FRA10AC1: variants seen among roughly 807,000 people sequenced by gnomAD.
The protein encoded by FRA10AC1 is FRA10A associated CGG repeat 1, also known as protein FRA10AC1.
In FRA10AC1, 43 loss-of-function variants were observed where a neutral mutation model predicts 56.5. That is an observed-to-expected ratio of 0.76 (90% CI 0.60 to 0.98). The LOEUF is 0.98. Among genes scored for constraint, FRA10AC1 ranks in the 50% least tolerant of loss-of-function variants. The probability of loss-of-function intolerance (pLI) is 0.00; values close to 1 mark genes in which losing one functional copy is unlikely to be tolerated. For synonymous variants in FRA10AC1, 112 were observed against 110.5 expected (o/e 1.01, Z -0.09); for missense variants, 346 against 351.8 (o/e 0.98, Z 0.13).
At position 93,702,546 on chromosome 10, in the gene FRA10AC1, GCCC is replaced by G. The variant is rs2059361362; in HGVS notation, c.-175_-173del. 4.5e-6 allele frequency: 1 copy of G among 220,074 alleles called. No individual in the cohort carries two copies. Among genetic ancestry groups the G allele is most frequent in the Non-Finnish European group, 8.8e-6 (1 of 113,790 alleles). The allele number at this position is 220,074 out of a possible 1,614,324, so 13.6% of individuals were successfully genotyped here. A position where few individuals can be genotyped will look rare whatever the true frequency, so the allele number is the denominator to read the frequency against. The stretch of plus-strand genomic sequence containing the variant: ...CACCGCCGCCGCCGCCGCCGCCGCC[GCCC>G]GCAACCCGCCTCTCCCTACGGGTCC... On this transcript the variant is annotated 5_prime_UTR_variant, in exon 1 of 14. Transcript: ENST00000359204.
At chr10:93,695,765 A>C (rs2059222604) in intron 4 of FRA10AC1, among the ~76,000 whole-genome samples, 1 of 152,140 alleles carries the variant, frequency 6.6e-6, no homozygotes, top group Non-Finnish European at 1.5e-5. Context: ...AGAAAAACCA[A>C]ATACCTGGAG....
At chr10:93,674,843 T>C (rs1378496038) in intron 12 of FRA10AC1, 1 of 152,218 alleles carries the variant, frequency 6.6e-6, no homozygotes, top group Non-Finnish European at 1.5e-5. Flanking sequence ...TTTTCTATAT[T>C]GCATAAGCAT....
chr10:93,683,356 CTTTT>C (rs35621433), intron 10 of FRA10AC1, among the ~76,000 whole-genome samples: 1 of 148,524 alleles, frequency 6.7e-6, no homozygotes, highest in African/African-American at 2.5e-5. Context: ...CTGATTTTAA[CTTTT>C]TTTTTTTTTG....
At chr10:93,701,557 T>G (rs955555535) in intron 1 of FRA10AC1, among the ~76,000 whole-genome samples, 1 of 152,174 alleles carries the variant, frequency 6.6e-6, no homozygotes, top group African/African-American at 2.4e-5. Context: ...GGTATATACC[T>G]CTCTTCTCTG....
intron 1 of FRA10AC1, among the ~76,000 whole-genome samples, chr10:93,700,792 C>T (rs2059319044): frequency 6.6e-6 from 1 of 151,634 alleles, no homozygotes; most frequent in South Asian, 2.1e-4. Context: ...TAAGGTAAAC[C>T]ACCTTGCCCT....
At position 93,694,920 on chromosome 10, in the gene FRA10AC1, C is replaced by T. The variant is rs1394723461; in HGVS notation, c.237G>A (p.Lys79=). 1 of 1,534,674 alleles carries T rather than the reference C, an allele frequency of 6.5e-7. No homozygotes were observed. The highest frequency in any genetic ancestry group is 9.0e-7 in the Non-Finnish European group (1 of 1,107,834). The part of the protein sequence containing the change: ...IAMDAYQRHT[K]FVNDYILYYG... ...AGTATAAAATATAGTCATTTACGAA[C>T]TTTGTATGTCTTTGATACTGAAATG... Residue 79 remains lysine, a synonymous_variant, in exon 5 of 14, where the codon AAG becomes AAA. Coordinates refer to ENST00000359204, the MANE Select transcript of FRA10AC1 (RefSeq NM_145246.5).
At chr10:93,681,815 T>C (rs1199221796) in intron 10 of FRA10AC1, among the ~76,000 whole-genome samples, 3 of 152,110 alleles carry the variant, frequency 2.0e-5, no homozygotes, top group Non-Finnish European at 2.9e-5. Flanking sequence ...CTGACACAAA[T>C]AATTACTTTC....
intron 12 of FRA10AC1, chr10:93,671,203 G>C: frequency 5.3e-6 from 1 of 188,110 alleles, no homozygotes; most frequent in South Asian, 1.1e-4. Flanking sequence ...CAGAAGACAC[G>C]CAAGTTAAGA....
In FRA10AC1 at chr10:93,679,121, T is replaced by C. The variant is rs184370279; in HGVS notation, c.787+2359A>G. Among the ~76,000 whole-genome samples the C allele has an allele frequency of 9.2e-5, 14 of 152,214 alleles. No individual in the cohort carries two copies. The East Asian group carries it at 2.7e-3, about 29-fold the overall frequency. ...TATTTTCTGTTATATACCATAGAAG[T>C]TGGGGGTAAAAAAGCTATATTTCTA... On this transcript the variant is annotated intron_variant, in intron 11 of 13. Transcript: ENST00000359204.
chr10:93,668,776 C>G lies in FRA10AC1; in HGVS notation c.*1050G>C, dbSNP rs975878203. ...AGAACAATATGGGGGAAACCGCCCC[C>G]TTGATTCAAATTATCTCTCACTGGA... is the stretch of plus-strand genomic sequence containing the variant. On this transcript the variant is annotated 3_prime_UTR_variant, in exon 14 of 14. Coordinates refer to ENST00000359204, the MANE Select transcript of FRA10AC1 (RefSeq NM_145246.5). The G allele has an allele frequency of 1.3e-5, 2 of 152,156 alleles. No individual in the cohort carries two copies. Among genetic ancestry groups the G allele is most frequent in the South Asian group, 4.1e-4 (2 of 4,824 alleles). 9.4% of individuals were successfully genotyped at this position (152,156 alleles called of 1,614,324 possible).
upstream of FRA10AC1, chr10:93,702,606 C>A: frequency 4.6e-6 from 1 of 216,752 alleles, no homozygotes. Context: ...CCGACACGGC[C>A]ACGTGTTACA....
At chr10:93,680,422 C>T (rs2058914329) in intron 11 of FRA10AC1, among the ~76,000 whole-genome samples, 1 of 152,166 alleles carries the variant, frequency 6.6e-6, no homozygotes, top group South Asian at 2.1e-4. Flanking sequence ...CTCTCACCAT[C>T]TATCAATTTT....
intron 3 of FRA10AC1, 21 bp from the exon 4 acceptor site, chr10:93,698,202 A>C (rs1279489171): frequency 1.3e-6 from 2 of 1,551,324 alleles, no homozygotes; most frequent in Admixed American, 3.5e-5. Flanking sequence ...AAATTTTTTT[A>C]AGAAAATTCA....
At position 93,698,122 on chromosome 10, in the gene FRA10AC1, TAAAA is replaced by T. The variant is rs1195956459; in HGVS notation, c.219+10_219+13del. 5 of 1,472,092 alleles carry T rather than the reference TAAAA, an allele frequency of 3.4e-6. No individual in the cohort carries two copies. Among genetic ancestry groups the T allele is most frequent in the Non-Finnish European group, 4.6e-6 (5 of 1,094,880 alleles). The allele number at this position is 1,472,092 out of a possible 1,614,324, so 91.2% of individuals were successfully genotyped here. ...TCTACTAGTTATAAAAATCTGGAAA[TAAAA>T]AAAGGATACAGCATCCATAGCTATG... On this transcript the variant is annotated intron_variant, in intron 4 of 13. Transcript: ENST00000359204.
At chr10:93,672,346 A>T (rs1452661786) in intron 12 of FRA10AC1, 1 of 155,958 alleles carries the variant, frequency 6.4e-6, no homozygotes, top group African/African-American at 2.4e-5. Flanking sequence ...ATAAAATTTT[A>T]ATCTTGAAAA....
In FRA10AC1 at chr10:93,670,769, C is replaced by T. The variant is rs1272222935; in HGVS notation, c.905+1G>A. ...TATTCTCTATTAATATCAGCACTTA[C>T]TGTGATTTTTCATCTGTCTCTGGTA... is the stretch of plus-strand genomic sequence containing the variant. On this transcript the variant is annotated splice_donor_variant, in intron 13 of 13. Coordinates refer to ENST00000359204, the MANE Select transcript of FRA10AC1 (RefSeq NM_145246.5). LOFTEE classifies it high-confidence loss of function. The T allele has an allele frequency of 1.3e-6, 2 of 1,590,560 alleles. No homozygotes were observed. Among genetic ancestry groups the T allele is most frequent in the Non-Finnish European group, 8.6e-7 (1 of 1,159,148 alleles).
At chr10:93,699,427 A>G (rs1010898729) in intron 2 of FRA10AC1, among the ~76,000 whole-genome samples, 3 of 152,190 alleles carry the variant, frequency 2.0e-5, no homozygotes, top group African/African-American at 7.2e-5. Context: ...GAGTCAAAGT[A>G]TAAAACTGAG....
chr10:93,694,979 G>T, intron 4 of FRA10AC1, 42 bp from the exon 5 acceptor site: 1 of 1,036,098 alleles, frequency 9.7e-7, no homozygotes, highest in Non-Finnish European at 1.5e-6. Flanking sequence ...CTTAGGAGCT[G>T]TTTGGTGTCA....
chr10:93,700,098 A>T lies in FRA10AC1; in HGVS notation c.9T>A (p.Gly3=). The T allele has an allele frequency of 6.3e-7, 1 of 1,589,506 alleles. No individual in the cohort carries two copies. The change falls in exon 2 of 14, where the codon GGT becomes GGA. Residue 3 remains glycine, a synonymous_variant. Transcript: ENST00000359204. ...TAAAATCAGAATCATAGCCTCCATG[A>T]CCATGCATCTGTAAAGGAGTACAAA... MH[G]HGGYDSDFSD... is the part of the protein sequence containing the mutation.
Sources: allele counts gnomAD v4.1 joint callset (sites outside exome capture counted in the v4.1 genomes callset), GRCh38; gene constraint gnomAD v4.1.1; transcripts MANE v1.5; gene names NCBI Gene and HGNC (gene_info 2026-07-23, HGNC 2026-07-21).